The following BOP1 variants were observed in gnomAD, a reference collection of about 807,000 sequenced individuals.
BOP1 encodes the protein BOP1 ribosomal biogenesis factor.
A neutral mutation model predicts 82.9 loss-of-function variants in BOP1; 54 were observed. The ratio of observed to expected loss-of-function variants is 0.65; its 90% CI spans 0.52 to 0.82. BOP1 has a LOEUF of 0.82. Ranked by LOEUF, BOP1 falls within the 40% of genes least tolerant of loss-of-function variation. The pLI, the probability that BOP1 is intolerant of heterozygous loss-of-function variation, is 0.00. For missense variants in BOP1, 1,170 were observed against 1,072.0 expected (o/e 1.09, Z -1.28); for synonymous variants, 566 against 451.1 (o/e 1.25, Z -3.23).
intron 3 of BOP1, among the ~76,000 whole-genome samples, chr8:144,271,588 G>C (rs1330196802): frequency 2.6e-5 from 4 of 152,148 alleles, no homozygotes; most frequent in African/African-American, 9.7e-5. Context: ...GGTTTTATCT[G>C]TTGAAGTGCT....
chr8:144,267,105 G>A (rs1845390569), intron 3 of BOP1: 2 of 1,439,588 alleles, frequency 1.4e-6, no homozygotes, highest in Non-Finnish European at 1.8e-6. Context: ...CGCCCCCGCC[G>A]CCTCCCGCCC....
chr8:144,277,948 C>A lies in BOP1; in HGVS notation c.310-1644G>T, dbSNP rs587617924. On this transcript the variant is annotated intron_variant, in intron 2 of 15. Coordinates refer to ENST00000569669, the MANE Select transcript of BOP1 (RefSeq NM_015201.5). The stretch of plus-strand genomic sequence containing the variant: ...ATTAGAGGAAAAGGCCACCAAAACC[C>A]TAACGACACAGACAACGGAACATGA... Among the ~76,000 whole-genome samples, 81 of 152,322 alleles carry A rather than the reference C, an allele frequency of 5.3e-4. 2 individuals carry two copies. Among genetic ancestry groups the A allele is most frequent in the Admixed American group, 3.7e-3 (56 of 15,294 alleles).
At chr8:144,266,953 A>C in intron 3 of BOP1, 1 of 1,559,898 alleles carries the variant, frequency 6.4e-7, no homozygotes, top group Non-Finnish European at 8.6e-7. Context: ...GCTCTCCAAG[A>C]TTGAGACGCT....
At position 144,291,225 on chromosome 8, in the gene BOP1, C is replaced by G. The variant is rs1305738860; in HGVS notation, c.99+47G>C. 5.1e-6 allele frequency: 7 copies of G among 1,384,538 alleles called. No individual in the cohort carries two copies. The African/African-American group carries it at 9.2e-5, about 18-fold the overall frequency. 85.8% of individuals were successfully genotyped at this position (1,384,538 alleles called of 1,614,324 possible). On this transcript the variant is annotated intron_variant, in intron 1 of 15. Transcript: ENST00000569669. This position sits in a 1 kb window ranked among gnomAD's most constrained non-coding sequence, Gnocchi z 4.1. ...CGCCCCAGCGCGGCCACGTGCCCGC[C>G]GGGCCCTCTAGGGACGCGCCCCGCC... is the stretch of plus-strand genomic sequence containing the variant.
intron 3 of BOP1, chr8:144,266,685 G>A: frequency 8.0e-7 from 1 of 1,249,276 alleles, no homozygotes; most frequent in Non-Finnish European, 1.0e-6. Flanking sequence ...CGCTGTCGGA[G>A]GACGAGGACC....
At position 144,263,155 on chromosome 8, in the gene BOP1, A is replaced by G; in HGVS notation, c.1606-14T>C. The G allele has an allele frequency of 1.3e-6, 2 of 1,593,304 alleles. No individual in the cohort carries two copies. Among genetic ancestry groups the G allele is most frequent in the Non-Finnish European group, 1.7e-6 (2 of 1,178,690 alleles). ...CTGCGTCACTGGCTGCAGGAGAGCA[A>G]GGCTGGCTGAGTGGCTGAGCCGGGC... On this transcript the variant is annotated splice_polypyrimidine_tract_variant and intron_variant, in intron 12 of 15. Transcript: ENST00000569669.
At chr8:144,277,747 T>C (rs2130242794) in intron 2 of BOP1, among the ~76,000 whole-genome samples, 1 of 83,094 alleles carries the variant, frequency 1.2e-5, no homozygotes, top group South Asian at 3.9e-4. Context: ...GGGCACAGAG[T>C]CCACCAGGGG....
chr8:144,263,278 C>A lies in BOP1; in HGVS notation c.1548G>T (p.Leu516=). The A allele has an allele frequency of 6.3e-7, 1 of 1,594,712 alleles. No homozygotes were observed. The highest frequency in any genetic ancestry group is 8.5e-7 in the Non-Finnish European group (1 of 1,179,126). The change falls in exon 12 of 16, where the codon CTG becomes CTT. Residue 516 remains leucine, a synonymous_variant. Transcript: ENST00000569669. ...EEPPLQPARW[L]EASEEERQVG... ...CTTGGCGCTCCTCCTCTGAGGCCTCCAGCCAGCGGGCCGGCTGCAAGGGGG... is the reference window on the plus strand; with the variant it reads ...CTTGGCGCTCCTCCTCTGAGGCCTCAAGCCAGCGGGCCGGCTGCAAGGGGG...
In BOP1 at chr8:144,280,947, C is replaced by G. The variant is rs143653272; in HGVS notation, c.310-4643G>C. Among the ~76,000 whole-genome samples, 955 of 150,314 alleles carry G rather than the reference C, an allele frequency of 6.4e-3. 3 individuals carry two copies. Among genetic ancestry groups the G allele is most frequent in the African/African-American group, 0.023 (919 of 40,626 alleles). Reference sequence around the variant, plus strand: ...TCTTAGGCCTTCTCTCAGTTTAATACCAGGTCTTTGGCCTTCTCTCACTTT... The same window carrying G: ...TCTTAGGCCTTCTCTCAGTTTAATAGCAGGTCTTTGGCCTTCTCTCACTTT... On this transcript the variant is annotated intron_variant, in intron 2 of 15. Coordinates refer to ENST00000569669, the MANE Select transcript of BOP1 (RefSeq NM_015201.5).
chr8:144,288,826 C>T (rs922138961), intron 2 of BOP1, among the ~76,000 whole-genome samples: 2 of 152,208 alleles, frequency 1.3e-5, no homozygotes, highest in African/African-American at 2.4e-5. Flanking sequence ...CTCAAGGAAA[C>T]CCAACCTGTT....
chr8:144,279,886 C>G (rs1207616570), intron 2 of BOP1, among the ~76,000 whole-genome samples: 1 of 152,138 alleles, frequency 6.6e-6, no homozygotes, highest in East Asian at 1.9e-4. Context: ...CAGGGGCGGT[C>G]TGGACACACA....
intron 3 of BOP1, among the ~76,000 whole-genome samples, chr8:144,275,640 G>C (rs912344577): frequency 2.5e-4 from 38 of 152,184 alleles, no homozygotes; most frequent in Non-Finnish European, 7.4e-5. Context: ...CTGGGACTCA[G>C]TCAGAGGTCC....
At position 144,264,265 on chromosome 8, in the gene BOP1, G is replaced by A. The variant is rs890163896; in HGVS notation, c.938C>T (p.Ser313Leu). 6 of 1,610,958 alleles carry A rather than the reference G, an allele frequency of 3.7e-6. No individual in the cohort carries two copies. The highest frequency in any genetic ancestry group is 2.2e-5 in the East Asian group (1 of 44,848). ...PKLALPGHAE[S>L]YNPPPEYLLS... ...CAGGTATTCAGGGGGTGGGTTGTAC[G>A]ACTCGGCGTGGCCTGGCAGGGCCAG... Residue 313 changes from serine to leucine, a missense_variant, in exon 7 of 16, where the codon TCG becomes TTG. Transcript: ENST00000569669.
At chr8:144,288,561 C>T (rs1814948205) in intron 2 of BOP1, among the ~76,000 whole-genome samples, 2 of 152,110 alleles carry the variant, frequency 1.3e-5, no homozygotes, top group South Asian at 4.1e-4. Context: ...ATAACAAATG[C>T]TGTGTTTTAG....
At position 144,281,513 on chromosome 8, in the gene BOP1, A is replaced by C. The variant is rs111903787; in HGVS notation, c.310-5209T>G. Among the ~76,000 whole-genome samples the C allele has an allele frequency of 1.2e-4, 3 of 24,004 alleles. 1 individual carries two copies. Among genetic ancestry groups the C allele is most frequent in the Admixed American group, 1.1e-3 (2 of 1,834 alleles). 15.7% of individuals were successfully genotyped at this position (24,004 alleles called of 152,430 possible). A position where few individuals can be genotyped will look rare whatever the true frequency, so the allele number is the denominator to read the frequency against. On this transcript the variant is annotated intron_variant, in intron 2 of 15. Transcript: ENST00000569669. ...CAGGTCTTTGGCCTTCCCTCAGTTT[A>C]ATACCAGGTCTTCGGCCTTCCCTCA... is the stretch of plus-strand genomic sequence containing the variant.
chr8:144,275,580 A>C (rs1845557523), intron 3 of BOP1, among the ~76,000 whole-genome samples: 1 of 152,022 alleles, frequency 6.6e-6, no homozygotes, highest in South Asian at 2.1e-4. Context: ...CTTCGCCTGC[A>C]AGCTCCTTAT....
chr8:144,262,586 A>C lies in BOP1; in HGVS notation c.1979+2T>G, dbSNP rs1588585393. On this transcript the variant is annotated splice_donor_variant, in intron 14 of 15. Coordinates refer to ENST00000569669, the MANE Select transcript of BOP1 (RefSeq NM_015201.5). LOFTEE classifies it high-confidence loss of function. The stretch of plus-strand genomic sequence containing the variant: ...GCCGCCTCCACCCCCAGCTTTCCTC[A>C]CCTCAGCATCCTGTATGGCTTGGTG... 1 of 1,613,110 alleles carries C rather than the reference A, an allele frequency of 6.2e-7. No individual in the cohort carries two copies. The highest frequency in any genetic ancestry group is 8.5e-7 in the Non-Finnish European group (1 of 1,179,744).
At position 144,264,256 on chromosome 8, in the gene BOP1, G is replaced by T; in HGVS notation, c.947C>A (p.Pro316Gln). 9 of 1,610,644 alleles carry T rather than the reference G, an allele frequency of 5.6e-6. No homozygotes were observed. Among genetic ancestry groups the T allele is most frequent in the Non-Finnish European group, 7.6e-6 (9 of 1,179,352 alleles). ...CTCGCTGAGCAGGTATTCAGGGGGT[G>T]GGTTGTACGACTCGGCGTGGCCTGG... ...ALPGHAESYN[P>Q]PPEYLLSEEE... Residue 316 changes from proline (P) to glutamine (Q), a missense_variant, in exon 7 of 16, where the codon CCA (proline) becomes CAA (glutamine). By Grantham distance (76) the Pro-to-Gln change is moderately conservative. Transcript: ENST00000569669.
At chr8:144,271,832 C>T (rs920090767) in intron 3 of BOP1, among the ~76,000 whole-genome samples, 6 of 152,316 alleles carry the variant, frequency 3.9e-5, no homozygotes, top group South Asian at 2.1e-4. Flanking sequence ...CCGCCAACCA[C>T]GCATCTGCCC....
Sources: gnomAD v4.1 joint callset for allele counts (sites outside exome capture counted in the v4.1 genomes callset) on GRCh38, gnomAD v4.1.1 for gene constraint, Gnocchi (gnomAD v3.1) non-coding constraint, MANE v1.5 for transcripts, NCBI Gene and HGNC (gene_info 2026-07-23, HGNC 2026-07-21) for gene names.